The following COL20A1 variants were observed in gnomAD, a reference collection of about 807,000 sequenced individuals.
COL20A1 encodes the protein collagen type XX alpha 1 chain.
COL20A1 carries 164 observed loss-of-function variants against 152.9 expected under a neutral mutation model. The ratio of observed to expected loss-of-function variants is 1.07; its 90% CI spans 0.94 to 1.22. The LOEUF (loss-of-function observed/expected upper bound fraction) is 1.22, where lower values mean the gene tolerates loss of function less well. COL20A1 is among the 50% of genes most tolerant of loss of function. The pLI is 0.00. For missense variants in COL20A1, 1,873 were observed against 1,744.8 expected (o/e 1.07, Z -1.31); for synonymous variants, 864 against 756.0 (o/e 1.14, Z -2.34).
intron 3 of COL20A1, among the ~76,000 whole-genome samples, chr20:63,301,456 A>AT (rs1330977810): frequency 2.0e-5 from 3 of 152,282 alleles, no homozygotes; most frequent in Admixed American, 1.3e-4. Context: ...TATTTTTCAG[A>AT]TTTTTTATAT....
chr20:63,295,084 C>T lies in COL20A1; in HGVS notation c.-10-14C>T, dbSNP rs1003950123. On this transcript the variant is annotated splice_polypyrimidine_tract_variant and intron_variant, in intron 1 of 35. Coordinates refer to ENST00000358894, the MANE Select transcript of COL20A1 (RefSeq NM_020882.4). Reference sequence around the variant, plus strand: ...GGGGGACGGCTGAAGGGCATGGCCTCTTCCCTGCCACAGCCCGAGCACCAT... The same window carrying T: ...GGGGGACGGCTGAAGGGCATGGCCTTTTCCCTGCCACAGCCCGAGCACCAT... The T allele has an allele frequency of 1.3e-6, 2 of 1,525,804 alleles. No individual in the cohort carries two copies. Among genetic ancestry groups the T allele is most frequent in the Non-Finnish European group, 1.8e-6 (2 of 1,127,832 alleles). The allele number at this position is 1,525,804 out of a possible 1,614,324, so 94.5% of individuals were successfully genotyped here.
chr20:63,308,012 C>T lies in COL20A1; in HGVS notation c.697C>T (p.Leu233=). The T allele has an allele frequency of 6.2e-7, 1 of 1,612,626 alleles. No individual in the cohort carries two copies. The part of the protein sequence containing the change: ...YSGDAQTEWD[L]NSLSTKEQVL... ...CGGGGATGCTCAGACTGAGTGGGAC[C>T]TGAACTCCCTCAGCACCAAGGAACA... The change falls in exon 7 of 36, where the codon CTG becomes TTG. Residue 233 remains leucine, a synonymous_variant. Coordinates refer to ENST00000358894, the MANE Select transcript of COL20A1 (RefSeq NM_020882.4).
chr20:63,306,810 G>A lies in COL20A1; in HGVS notation c.497-680G>A, dbSNP rs527323941. Among the ~76,000 whole-genome samples the A allele has an allele frequency of 7.4e-4, 112 of 152,356 alleles. No individual in the cohort carries two copies. Among genetic ancestry groups the A allele is most frequent in the African/African-American group, 2.5e-3 (105 of 41,580 alleles). The stretch of plus-strand genomic sequence containing the variant: ...CTCCCCCGTCAGACTTGGAACTGAA[G>A]GAAGTGTTCTCCTCAGACTTGGGCA... On this transcript the variant is annotated intron_variant, in intron 5 of 35. Coordinates refer to ENST00000358894, the MANE Select transcript of COL20A1 (RefSeq NM_020882.4). This position sits in a 1 kb window ranked among gnomAD's most constrained non-coding sequence, Gnocchi z 6.9.
intron 20 of COL20A1, among the ~76,000 whole-genome samples, chr20:63,315,846 C>G (rs2068077312): frequency 1.3e-5 from 2 of 152,228 alleles, no homozygotes; most frequent in Non-Finnish European, 2.9e-5. Flanking sequence ...GGACTGCCTA[C>G]TTGAAACAGG....
At chr20:63,323,462 T>C (rs1356958694) in intron 27 of COL20A1, among the ~76,000 whole-genome samples, 1 of 152,240 alleles carries the variant, frequency 6.6e-6, no homozygotes, top group East Asian at 1.9e-4. Flanking sequence ...TCCTGGTTCC[T>C]CCTGGTGCTT....
At chr20:63,297,325 G>A (rs28694305) in intron 2 of COL20A1, among the ~76,000 whole-genome samples, 8 of 135,186 alleles carry the variant, frequency 5.9e-5, no homozygotes, top group African/African-American at 1.5e-4. Flanking sequence ...CCAGCTCAGG[G>A]GACTTAGCTC....
chr20:63,308,400 C>T (rs1043345299), intron 7 of COL20A1, 142 bp from the exon 8 acceptor site: 2 of 865,586 alleles, frequency 2.3e-6, no homozygotes, highest in Admixed American at 2.9e-5. Flanking sequence ...GTAGACCCTC[C>T]CTGCTCCCTT....
intron 21 of COL20A1, 70 bp downstream of exon 21, chr20:63,316,761 T>TG (rs559800256): frequency 4.8e-4 from 447 of 931,690 alleles, no homozygotes; most frequent in African/African-American, 2.7e-3. Context: ...GAGGACATGG[T>TG]GGGGGGGCGG....
In COL20A1 at chr20:63,313,965, G is replaced by T; in HGVS notation, c.2358+74G>T. ...GAAGGGGTATGGCCACACTGTCTGC[G>T]AAGGGTGGCAGCTCTGCCATGGCGG... On this transcript the variant is annotated intron_variant, in intron 18 of 35. Coordinates refer to ENST00000358894, the MANE Select transcript of COL20A1 (RefSeq NM_020882.4). This position sits in a 1 kb window ranked among gnomAD's most constrained non-coding sequence, Gnocchi z 5.9. The T allele has an allele frequency of 1.3e-6, 2 of 1,592,624 alleles. No individual in the cohort carries two copies. The highest frequency in any genetic ancestry group is 1.1e-5 in the South Asian group (1 of 86,992).
At chr20:63,312,115 C>T in intron 14 of COL20A1, 60 bp downstream of exon 14, 1 of 1,485,340 alleles carries the variant, frequency 6.7e-7, no homozygotes, top group Non-Finnish European at 9.0e-7. Flanking sequence ...CCCTGTCTGG[C>T]AGGCATGGGG....
chr20:63,299,725 C>G (rs1347061271), intron 3 of COL20A1, among the ~76,000 whole-genome samples: 1 of 151,934 alleles, frequency 6.6e-6, no homozygotes, highest in Admixed American at 6.6e-5. Flanking sequence ...TTTTTCCAAA[C>G]TTTTTCTTCA....
At chr20:63,322,147 G>A (rs2068173781) in intron 27 of COL20A1, 36 bp downstream of exon 27, 4 of 1,455,378 alleles carry the variant, frequency 2.7e-6, no homozygotes, top group African/African-American at 1.5e-5. Flanking sequence ...TGAGGGGCCT[G>A]GATCGTACCT....
At chr20:63,325,173 C>T in intron 27 of COL20A1, 1 of 632,392 alleles carries the variant, frequency 1.6e-6, no homozygotes, top group Middle Eastern at 4.2e-4. Flanking sequence ...GTCTGAATGC[C>T]CAGAGGGCTG....
At chr20:63,322,767 C>T (rs1444770108) in intron 27 of COL20A1, among the ~76,000 whole-genome samples, 1 of 152,260 alleles carries the variant, frequency 6.6e-6, no homozygotes, top group Non-Finnish European at 1.5e-5. Context: ...TGCAGCAAGG[C>T]CGCCCTCCTC....
chr20:63,315,915 T>C (rs1057399385), intron 20 of COL20A1, among the ~76,000 whole-genome samples: 1 of 152,226 alleles, frequency 6.6e-6, no homozygotes, highest in African/African-American at 2.4e-5. Flanking sequence ...GCAGCGCTGA[T>C]AAGCTGCAGT....
intron 19 of COL20A1, among the ~76,000 whole-genome samples, 175 bp downstream of exon 19, chr20:63,314,376 C>T (rs1022383331): frequency 2.6e-5 from 4 of 152,192 alleles, no homozygotes; most frequent in African/African-American, 9.7e-5. Flanking sequence ...TGACTGGTTC[C>T]AGGCTGGCCC....
chr20:63,311,817 C>T lies in COL20A1; in HGVS notation c.1663+69C>T, dbSNP rs1370649240. The stretch of plus-strand genomic sequence containing the variant: ...CATCTTGTTCCTCAGCCTTCCATGG[C>T]ATGGGAGACCTCAGGCCCCCTCGGT... On this transcript the variant is annotated intron_variant, in intron 13 of 35. Transcript: ENST00000358894. This position sits in a 1 kb window ranked among gnomAD's most constrained non-coding sequence, Gnocchi z 4.4. 8 of 1,532,698 alleles carry T rather than the reference C, an allele frequency of 5.2e-6. No individual in the cohort carries two copies. The Admixed American group carries it at 7.8e-5, about 15-fold the overall frequency. 94.9% of individuals were successfully genotyped at this position (1,532,698 alleles called of 1,614,324 possible).
intron 27 of COL20A1, chr20:63,325,008 G>A (rs1017751336): frequency 6.6e-6 from 2 of 303,240 alleles, no homozygotes; most frequent in Non-Finnish European, 1.3e-5. Flanking sequence ...GGCTGGGGGT[G>A]AGGTTGGTTG....
chr20:63,298,062 G>A (rs373524947), intron 3 of COL20A1, 42 bp downstream of exon 3: 19 of 1,413,970 alleles, frequency 1.3e-5, no homozygotes, highest in African/African-American at 9.8e-5. Flanking sequence ...CCATTAGCAC[G>A]TGCCGAGGAC....
Sources: gnomAD v4.1 joint callset for allele counts (sites outside exome capture counted in the v4.1 genomes callset) on GRCh38, gnomAD v4.1.1 for gene constraint, Gnocchi (gnomAD v3.1) non-coding constraint, MANE v1.5 for transcripts, NCBI Gene and HGNC (gene_info 2026-07-23, HGNC 2026-07-21) for gene names.